Variants in SDCCAG8 observed in about 807,000 individuals in gnomAD.
SDCCAG8 encodes the protein SHH signaling and ciliogenesis regulator SDCCAG8, also known as serologically defined colon cancer antigen 8.
A neutral mutation model predicts 101.8 loss-of-function variants in SDCCAG8; 74 were observed. That is an observed-to-expected ratio of 0.73 (90% confidence interval 0.60 to 0.88). SDCCAG8 has a LOEUF of 0.88. Ranked by LOEUF, SDCCAG8 falls within the 40% of genes least tolerant of loss-of-function variation. SDCCAG8 has a pLI of 0.00. For missense variants in SDCCAG8, 787 were observed against 822.6 expected (o/e 0.96, Z 0.53); for synonymous variants, 281 against 292.9 (o/e 0.96, Z 0.41).
chr1:243,264,365 A>G (rs2067420720), intron 1 of SDCCAG8, among the ~76,000 whole-genome samples: 1 of 152,208 alleles, frequency 6.6e-6, no homozygotes, highest in South Asian at 2.1e-4. Flanking sequence ...CTGTAATCCC[A>G]GCACTTTGGG....
intron 10 of SDCCAG8, among the ~76,000 whole-genome samples, chr1:243,332,220 T>A (rs2149351378): frequency 6.6e-6 from 1 of 152,224 alleles, no homozygotes; most frequent in South Asian, 2.1e-4. Flanking sequence ...GTTTGGAGAA[T>A]TATGTTGGGA....
rs531742697 is a variant in SDCCAG8 at position 243,329,082 on chromosome 1, A to ATT, written c.1069-1458_1069-1457insTT. 6.6e-3 allele frequency among the ~76,000 whole-genome samples: 999 copies of ATT among 152,352 alleles called. 7 individuals carry two copies. The highest frequency in any genetic ancestry group is 0.023 in the African/African-American group (953 of 41,586). On this transcript the variant is annotated intron_variant, in intron 9 of 17. Transcript: ENST00000366541. ...CACAAGAGCAATTACATTTTGAATC[A>ATT]CAAAAGTAACTCATTCATATTTCAA...
Position 243,489,058 on chromosome 1 carries a change from T to C in SDCCAG8, c.2030T>C (p.Leu677Pro). 1.2e-6 allele frequency: 2 copies of C among 1,613,434 alleles called. No homozygotes were observed. Among genetic ancestry groups the C allele is most frequent in the Non-Finnish European group, 1.7e-6 (2 of 1,180,034 alleles). The change falls in exon 17 of 18, where the codon CTG becomes CCG. Residue 677 changes from leucine (L) to proline (P), a missense_variant. Transcript: ENST00000366541. ...CACAGCCAGGCCACAGCCCAGCAGC[T>C]GGTGCAGCTCCTCAGCAAGCAGAAC... ...DKHSQATAQQ[L>P]VQLLSKQNQL...
chr1:243,398,578 G>A (rs1282696998), intron 13 of SDCCAG8, among the ~76,000 whole-genome samples: 1 of 152,010 alleles, frequency 6.6e-6, no homozygotes, highest in African/African-American at 2.4e-5. Flanking sequence ...TCCTTGCTTT[G>A]ATTATAGTGT....
intron 5 of SDCCAG8, among the ~76,000 whole-genome samples, chr1:243,292,642 C>T (rs187256839): frequency 6.6e-6 from 1 of 152,150 alleles, no homozygotes; most frequent in African/African-American, 2.4e-5. Context: ...ACCTATCTAT[C>T]CCATAGAACT....
intron 16 of SDCCAG8, among the ~76,000 whole-genome samples, chr1:243,459,996 G>A (rs779350278): frequency 4.6e-5 from 7 of 152,152 alleles, no homozygotes; most frequent in Non-Finnish European, 1.0e-4. Flanking sequence ...ACTACCAAAT[G>A]TCACTGTCAC....
At chr1:243,317,762 G>A (rs910266041) in intron 9 of SDCCAG8, among the ~76,000 whole-genome samples, 2 of 152,090 alleles carry the variant, frequency 1.3e-5, no homozygotes, top group African/African-American at 4.8e-5. Flanking sequence ...ACTGTATTTG[G>A]GGGCCACACC....
intron 13 of SDCCAG8, among the ~76,000 whole-genome samples, chr1:243,390,119 A>T (rs1046137078): frequency 6.6e-6 from 1 of 152,220 alleles, no homozygotes; most frequent in African/African-American, 2.4e-5. Flanking sequence ...ATTGATGTAT[A>T]TTCTTGCTAT....
chr1:243,362,691 A>G (rs2076787939), intron 12 of SDCCAG8, among the ~76,000 whole-genome samples: 1 of 152,126 alleles, frequency 6.6e-6, no homozygotes, highest in Non-Finnish European at 1.5e-5. Context: ...TCTGTGTCCC[A>G]TTTTATCACA....
At chr1:243,466,746 G>A (rs1056246504) in intron 16 of SDCCAG8, among the ~76,000 whole-genome samples, 2 of 152,344 alleles carry the variant, frequency 1.3e-5, no homozygotes, top group East Asian at 1.9e-4. Context: ...AGGTCCTATC[G>A]AGAGTAGACA....
At chr1:243,347,681 C>T (rs181783223) in intron 12 of SDCCAG8, among the ~76,000 whole-genome samples, 6 of 152,260 alleles carry the variant, frequency 3.9e-5, no homozygotes, top group East Asian at 1.9e-4. Flanking sequence ...TCCTCGCATC[C>T]GAAACCCCAA....
Position 243,415,870 on chromosome 1 carries a change from C to G in SDCCAG8, c.1744+41C>G, listed in dbSNP as rs755479637. On this transcript the variant is annotated intron_variant, in intron 14 of 17. Transcript: ENST00000366541. ...AGATTAGAGCCTGGGCACTAGCTCA[C>G]AAGTCAGGCCCACGCCTTACTGTGA... 70 of 1,608,354 alleles carry G rather than the reference C, an allele frequency of 4.4e-5. No individual in the cohort carries two copies. The Middle Eastern group carries it at 6.0e-4, about 14-fold the overall frequency.
chr1:243,395,012 A>C (rs557890912), intron 13 of SDCCAG8, among the ~76,000 whole-genome samples: 1 of 152,310 alleles, frequency 6.6e-6, no homozygotes, highest in South Asian at 2.1e-4. Flanking sequence ...TCCATTTATA[A>C]AAGTAATGAT....
At chr1:243,436,026 A>C (rs1400334579) in intron 16 of SDCCAG8, among the ~76,000 whole-genome samples, 2 of 152,116 alleles carry the variant, frequency 1.3e-5, no homozygotes, top group African/African-American at 4.8e-5. Flanking sequence ...ATAAGCCTTC[A>C]TTGGGACATC....
intron 5 of SDCCAG8, among the ~76,000 whole-genome samples, chr1:243,287,109 C>T (rs1259455115): frequency 2.0e-5 from 3 of 152,140 alleles, no homozygotes; most frequent in Admixed American, 2.0e-4. Context: ...CAGATTATCT[C>T]TATAATTCTG....
intron 8 of SDCCAG8, among the ~76,000 whole-genome samples, chr1:243,309,615 C>G (rs986417344): frequency 1.1e-4 from 17 of 152,208 alleles, no homozygotes; most frequent in Admixed American, 1.1e-3. Flanking sequence ...AGCGATCCTC[C>G]TGCCTCAGCT....
chr1:243,259,067 C>T (rs796952388), intron 1 of SDCCAG8, among the ~76,000 whole-genome samples: 1 of 152,316 alleles, frequency 6.6e-6, no homozygotes, highest in African/African-American at 2.4e-5. Context: ...ATGCAAAATG[C>T]TTTCCCTATT....
intron 12 of SDCCAG8, among the ~76,000 whole-genome samples, chr1:243,344,797 C>T (rs958039526): frequency 2.0e-5 from 3 of 152,124 alleles, no homozygotes; most frequent in Non-Finnish European, 2.9e-5. Flanking sequence ...ACCATGAATA[C>T]GTTTGTTCAT....
chr1:243,267,470 C>T, intron 1 of SDCCAG8: 1 of 336,200 alleles, frequency 3.0e-6, no homozygotes, highest in Non-Finnish European at 5.7e-6. Context: ...GGCGTGGTGA[C>T]AGGTACCTGT....
Sources: allele counts gnomAD v4.1 joint callset (sites outside exome capture counted in the v4.1 genomes callset), GRCh38; gene constraint gnomAD v4.1.1; transcripts MANE v1.5; gene names NCBI Gene and HGNC (gene_info 2026-07-23, HGNC 2026-07-21).